The following PRKCQ variants were observed in gnomAD, a reference collection of about 807,000 sequenced individuals.
PRKCQ encodes protein kinase C theta, also known as protein kinase C theta type.
Under a neutral mutation model 91.2 loss-of-function variants are expected in PRKCQ, and 41 were observed. The ratio of observed to expected loss-of-function variants is 0.45; its 90% CI spans 0.35 to 0.58. PRKCQ has a LOEUF of 0.58. Among genes scored for constraint, PRKCQ ranks in the 20% least tolerant of loss-of-function variants. The pLI, the probability that PRKCQ is intolerant of heterozygous loss-of-function variation, is 0.00. For synonymous variants in PRKCQ, 307 were observed against 316.9 expected, an observed-to-expected ratio of 0.97 and a Z score of 0.33; for missense variants, 673 against 896.5, an observed-to-expected ratio of 0.75 and a Z score of 3.18.
chr10:6,548,831 T>C (rs1241519922), intron 1 of PRKCQ, among the ~76,000 whole-genome samples: 1 of 151,968 alleles, frequency 6.6e-6, no homozygotes, highest in Non-Finnish European at 1.5e-5. Flanking sequence ...CACGTATACA[T>C]ATGTAACAAA....
At chr10:6,505,500 T>C in intron 4 of PRKCQ, among the ~76,000 whole-genome samples, 2 of 135,352 alleles carry the variant, frequency 1.5e-5, no homozygotes, top group South Asian at 2.6e-4. Flanking sequence ...CCTCCCTCCC[T>C]CCTCCTTCCT....
chr10:6,456,676 CT>C lies in PRKCQ; in HGVS notation c.1644del (p.Glu549ArgfsTer25). On this transcript the variant is annotated frameshift_variant, in exon 15 of 18. Transcript: ENST00000263125. LOFTEE classifies it high-confidence loss of function. ...TFCGTPDYIA[P>X]EILLGQKYNH... The stretch of plus-strand genomic sequence containing the variant: ...GCAGCCTGTCACTGCATTCCTACCT[CT>C]GGGGCGATGTAGTCAGGTGTCCCAC... 1 of 1,614,076 alleles carries C rather than the reference CT, an allele frequency of 6.2e-7. No individual in the cohort carries two copies. Among genetic ancestry groups the C allele is most frequent in the Non-Finnish European group, 8.5e-7 (1 of 1,179,946 alleles).
the PRKCQ span, among the ~76,000 whole-genome samples, chr10:6,416,704 C>T: frequency 6.6e-6 from 1 of 152,090 alleles, no homozygotes; most frequent in African/African-American, 2.4e-5. Context: ...CATAGAAGGA[C>T]TTTTTTTCCC....
At chr10:6,502,643 G>T (rs1011740816) in intron 4 of PRKCQ, among the ~76,000 whole-genome samples, 1 of 152,204 alleles carries the variant, frequency 6.6e-6, no homozygotes, top group East Asian at 1.9e-4. Context: ...GACCACCATA[G>T]GAGAATGGAT....
the PRKCQ span, among the ~76,000 whole-genome samples, chr10:6,418,894 TC>T: frequency 2.4e-5 from 3 of 124,292 alleles, no homozygotes. Flanking sequence ...TGTTTATCCA[TC>T]TATTACTCAT....
chr10:6,485,097 G>C lies in PRKCQ; in HGVS notation c.1018+55C>G. 8.2e-6 allele frequency: 12 copies of C among 1,469,458 alleles called. 1 individual carries two copies. In the South Asian group the frequency reaches 1.4e-4, roughly 17 times the overall value. The allele number at this position is 1,469,458 out of a possible 1,614,324, so 91.0% of individuals were successfully genotyped here. A position where few individuals can be genotyped will look rare whatever the true frequency, so the allele number is the denominator to read the frequency against. ...ACTTAAATCCAAGGGCATTAGGTTA[G>C]GGTTAATTGAGATTAATGACTGACA... On this transcript the variant is annotated intron_variant, in intron 10 of 17. Transcript: ENST00000263125.
chr10:6,530,370 C>T (rs888282424), intron 1 of PRKCQ, among the ~76,000 whole-genome samples: 15 of 152,216 alleles, frequency 9.9e-5, no homozygotes, highest in African/African-American at 3.1e-4. Flanking sequence ...ACCCCACTTC[C>T]TCCCGCGGGC....
chr10:6,508,964 G>C (rs567322036), intron 3 of PRKCQ, among the ~76,000 whole-genome samples: 4 of 152,166 alleles, frequency 2.6e-5, no homozygotes, highest in Non-Finnish European at 5.9e-5. Flanking sequence ...ATTTTCTTTA[G>C]AGAAATTAGT....
intron 1 of PRKCQ, among the ~76,000 whole-genome samples, chr10:6,537,654 C>G (rs1839633531): frequency 6.6e-6 from 1 of 152,218 alleles, no homozygotes; most frequent in South Asian, 2.1e-4. Context: ...ATGGTGAGAT[C>G]TTCGTCAGGA....
intron 8 of PRKCQ, among the ~76,000 whole-genome samples, chr10:6,489,955 C>A (rs1274748472): frequency 2.0e-5 from 3 of 151,988 alleles, no homozygotes; most frequent in Non-Finnish European, 4.4e-5. Flanking sequence ...GGACAGAGAA[C>A]CCGACCTGAG....
intron 7 of PRKCQ, among the ~76,000 whole-genome samples, chr10:6,492,884 A>G (rs1178180746): frequency 6.6e-6 from 1 of 152,244 alleles, no homozygotes; most frequent in East Asian, 1.9e-4. Flanking sequence ...ATTCATCAGC[A>G]CAGCAATAGA....
In PRKCQ at chr10:6,576,526, G is replaced by A. The variant is rs1011870535; in HGVS notation, c.-10+3685C>T. ...CTTAGAGACAGGAAGTAGAAGGGTG[G>A]CTGCCAGGGGCTGAGAGGAAAGACG... is the stretch of plus-strand genomic sequence containing the variant. On this transcript the variant is annotated intron_variant, in intron 1 of 17. Coordinates refer to ENST00000263125, the MANE Select transcript of PRKCQ (RefSeq NM_006257.5). This position sits in a 1 kb window ranked among gnomAD's most constrained non-coding sequence, Gnocchi z 4.2. Among the ~76,000 whole-genome samples the A allele has an allele frequency of 2.0e-5, 3 of 152,192 alleles. No individual in the cohort carries two copies. Among genetic ancestry groups the A allele is most frequent in the Non-Finnish European group, 2.9e-5 (2 of 68,040 alleles).
chr10:6,440,847 G>A (rs1833933882), intron 16 of PRKCQ, among the ~76,000 whole-genome samples: 1 of 152,100 alleles, frequency 6.6e-6, no homozygotes, highest in Non-Finnish European at 1.5e-5. Flanking sequence ...AAATTTAGGT[G>A]AGTGTGGTCG....
intron 13 of PRKCQ, among the ~76,000 whole-genome samples, chr10:6,462,934 G>A (rs1835436494): frequency 6.6e-6 from 1 of 151,662 alleles, no homozygotes; most frequent in African/African-American, 2.4e-5. Flanking sequence ...GAACCTGGGA[G>A]GCAGAGGTTG....
intron 12 of PRKCQ, among the ~76,000 whole-genome samples, chr10:6,467,876 G>C (rs529925399): frequency 6.6e-6 from 1 of 152,282 alleles, no homozygotes; most frequent in Non-Finnish European, 1.5e-5. Flanking sequence ...AATCAAAGCT[G>C]TATGACTCTT....
chr10:6,508,127 T>C (rs758687752), intron 3 of PRKCQ, among the ~76,000 whole-genome samples: 3 of 152,218 alleles, frequency 2.0e-5, no homozygotes, highest in Non-Finnish European at 2.9e-5. Context: ...TACTGTATTA[T>C]TATGTAGAAG....
the PRKCQ span, among the ~76,000 whole-genome samples, chr10:6,398,610 C>T: frequency 3.9e-5 from 6 of 152,202 alleles, no homozygotes; most frequent in South Asian, 2.1e-4. Context: ...GCTCAATGGA[C>T]GTTTACCCAT....
chr10:6,407,304 A>G, the PRKCQ span, among the ~76,000 whole-genome samples: 1 of 151,494 alleles, frequency 6.6e-6, no homozygotes, highest in East Asian at 1.9e-4. The surrounding 1 kb of genome is among the most constrained non-coding windows in gnomAD (Gnocchi z 4.0). Context: ...GTGGGGGCAT[A>G]AGAGGCATCT....
intron 15 of PRKCQ, among the ~76,000 whole-genome samples, chr10:6,447,443 AACT>A (rs536083914): frequency 4.7e-4 from 71 of 151,310 alleles, no homozygotes; most frequent in African/African-American, 1.7e-3. Flanking sequence ...TTCCCTGTTT[AACT>A]GCCTTCCTAT....
Sources: allele counts gnomAD v4.1 joint callset (sites outside exome capture counted in the v4.1 genomes callset), GRCh38; gene constraint gnomAD v4.1.1; non-coding constraint Gnocchi (gnomAD v3.1); transcripts MANE v1.5; gene names NCBI Gene and HGNC (gene_info 2026-07-23, HGNC 2026-07-21).